The following MEG3 variants were observed in gnomAD, a reference collection of about 807,000 sequenced individuals.
MEG3 encodes maternally expressed 3.
chr14:100,829,025 C>G (rs901217360), intron 2 of MEG3: 3 of 152,154 alleles, frequency 2.0e-5, no homozygotes, highest in African/African-American at 7.2e-5. Flanking sequence ...AACCTTTGAT[C>G]AATTGCAGAG....
At chr14:100,834,678 C>T (rs1362897049) in exon 1 of MEG3, 3 of 456,618 alleles carry the variant, frequency 6.6e-6, no homozygotes, top group South Asian at 1.5e-5. Flanking sequence ...CCCCGTGTCT[C>T]CTCAGGGTGT....
chr14:100,834,863 CA>C, exon 1 of MEG3: 2 of 454,218 alleles, frequency 4.4e-6, no homozygotes, highest in Non-Finnish European at 8.9e-6. Flanking sequence ...GGTGTGTGAG[CA>C]GCTTCCGACC....
chr14:100,842,266 C>T (rs527564851), intron 2 of MEG3, among the ~76,000 whole-genome samples: 2 of 152,316 alleles, frequency 1.3e-5, no homozygotes, highest in South Asian at 2.1e-4. Flanking sequence ...CATCCATTAA[C>T]GGTAAACAGG....
exon 2 of MEG3, chr14:100,860,888 A>G (rs1044274828): frequency 2.8e-6 from 1 of 352,718 alleles, no homozygotes; most frequent in African/African-American, 2.2e-5. Flanking sequence ...TTGAGCCTTC[A>G]GTGTCTGCAT....
At chr14:100,844,549 C>T (rs2037856678) in intron 2 of MEG3, among the ~76,000 whole-genome samples, 1 of 152,206 alleles carries the variant, frequency 6.6e-6, no homozygotes, top group African/African-American at 2.4e-5. Context: ...CCCGTCCCCA[C>T]CATCTCCCCT....
chr14:100,835,158 G>A (rs1489731144), exon 1 of MEG3: 4 of 261,084 alleles, frequency 1.5e-5, no homozygotes, highest in South Asian at 4.3e-5. Flanking sequence ...GTCGGAGCCA[G>A]CCCCTTCTCC....
At position 100,845,965 on chromosome 14, in the gene MEG3, G is replaced by C. The variant is rs1204402903; in HGVS notation, n.3121+432G>C. 1.3e-5 allele frequency: 2 copies of C among 153,924 alleles called. No homozygotes were observed. Among genetic ancestry groups the C allele is most frequent in the Middle Eastern group, 3.2e-3 (1 of 316 alleles). 9.5% of individuals were successfully genotyped at this position (153,924 alleles called of 1,614,324 possible). A position where few individuals can be genotyped will look rare whatever the true frequency, so the allele number is the denominator to read the frequency against. ...AGGCCGAGGGACCAGCCTTCCAAATGGGCTTCAAGCTCCAATGACCTCCGC... is the reference window on the plus strand; with the variant it reads ...AGGCCGAGGGACCAGCCTTCCAAATCGGCTTCAAGCTCCAATGACCTCCGC... On this transcript the variant is annotated intron_variant and non_coding_transcript_variant, in intron 3 of 3. Coordinates refer to the MEG3 transcript ENST00000398461. The surrounding 1 kb of genome is among the most constrained non-coding windows in gnomAD (Gnocchi z 5.2).
chr14:100,860,718 C>T (rs1207452622), intron 1 of MEG3: 2 of 456,526 alleles, frequency 4.4e-6, no homozygotes, highest in Non-Finnish European at 8.8e-6. Context: ...ACACCCTGCA[C>T]CTATTCCCAC....
downstream of MEG3, chr14:100,829,797 C>T (rs1038539154): frequency 3.9e-5 from 6 of 152,126 alleles, no homozygotes; most frequent in Admixed American, 1.3e-4. Flanking sequence ...AGTAAGAACA[C>T]GAATTATGCA....
chr14:100,826,284 G>A (rs2139926829), intron 1 of MEG3: 1 of 152,356 alleles, frequency 6.6e-6, no homozygotes, highest in South Asian at 2.1e-4. Flanking sequence ...TTCTGGGATG[G>A]GCTCTGTCCT....
At chr14:100,844,215 G>A (rs1158164953) in intron 2 of MEG3, among the ~76,000 whole-genome samples, 3 of 152,014 alleles carry the variant, frequency 2.0e-5, no homozygotes, top group Admixed American at 6.6e-5. Context: ...GTGGCTTTGT[G>A]GGGGTGTCCC....
rs928458110 is a variant in MEG3 at position 100,837,106 on chromosome 14, C to T, written n.3045+806C>T. ...AGGACCAGAGGGTCTACTTGGGTGC[C>T]GTGGAGCACCCATGCAGCAAGGTGG... On this transcript the variant is annotated intron_variant and non_coding_transcript_variant, in intron 2 of 3. Transcript: ENST00000398461. This position sits in a 1 kb window ranked among gnomAD's most constrained non-coding sequence, Gnocchi z 5.8. Among the ~76,000 whole-genome samples the T allele has an allele frequency of 2.6e-5, 4 of 152,124 alleles. No homozygotes were observed. The highest frequency in any genetic ancestry group is 4.1e-4 in the South Asian group (2 of 4,824).
intron 1 of MEG3, among the ~76,000 whole-genome samples, chr14:100,827,796 C>G (rs1027533751): frequency 2.0e-5 from 3 of 152,220 alleles, no homozygotes; most frequent in South Asian, 2.1e-4. Flanking sequence ...CGAGACCACC[C>G]ACATGCGTGA....
chr14:100,856,745 T>C (rs556371488), upstream of MEG3: 2 of 152,300 alleles, frequency 1.3e-5, no homozygotes, highest in Non-Finnish European at 2.9e-5. Flanking sequence ...GGGGTACGCG[T>C]TCACGCTCAC....
intron 2 of MEG3, among the ~76,000 whole-genome samples, chr14:100,842,047 C>G (rs1158458416): frequency 2.0e-5 from 3 of 152,194 alleles, no homozygotes; most frequent in African/African-American, 7.2e-5. Context: ...GCCAACATTC[C>G]CAGCTATCTC....
chr14:100,846,211 A>G (rs1205162071), intron 3 of MEG3: 1 of 152,252 alleles, frequency 6.6e-6, no homozygotes, highest in East Asian at 1.9e-4. Flanking sequence ...GTTTCCCACC[A>G]GGAGACTATG....
upstream of MEG3, chr14:100,856,158 C>T (rs987409821): frequency 2.0e-5 from 3 of 152,204 alleles, no homozygotes; most frequent in Non-Finnish European, 2.9e-5. Flanking sequence ...AATCACCTCC[C>T]GTGCAGGGGT....
intron 2 of MEG3, among the ~76,000 whole-genome samples, chr14:100,839,051 TAA>T (rs940463431): frequency 3.3e-5 from 5 of 152,124 alleles, no homozygotes; most frequent in East Asian, 1.9e-4. Flanking sequence ...TAAAATAACT[TAA>T]GTGTGTTTTT....
intron 3 of MEG3, chr14:100,849,365 C>A (rs980214778): frequency 6.6e-6 from 1 of 152,062 alleles, no homozygotes; most frequent in African/African-American, 2.4e-5. Flanking sequence ...CAATTCTGTG[C>A]ACCTGAGGTC....
Sources: gnomAD v4.1 joint callset for allele counts (sites outside exome capture counted in the v4.1 genomes callset) on GRCh38, gnomAD v4.1.1 for gene constraint, Gnocchi (gnomAD v3.1) non-coding constraint, MANE v1.5 for transcripts, NCBI Gene and HGNC (gene_info 2026-07-23, HGNC 2026-07-21) for gene names.